ULK4: variants seen among roughly 807,000 people sequenced by gnomAD.
ULK4 encodes the protein unc-51 like kinase 4.
In ULK4, 133 loss-of-function variants were observed where a neutral mutation model predicts 160.6. The observed-to-expected ratio is 0.83, with a 90% confidence interval of 0.72 to 0.96. The LOEUF (loss-of-function observed/expected upper bound fraction) is 0.96, where lower values mean the gene tolerates loss of function less well. ULK4 is among the 40% of genes least tolerant of loss of function. The pLI is 0.00. For missense variants in ULK4, 1,580 were observed against 1,499.5 expected (o/e 1.05, Z -0.89); for synonymous variants, 534 against 539.8 (o/e 0.99, Z 0.15).
chr3:41,849,091 T>C (rs569578617), intron 17 of ULK4, among the ~76,000 whole-genome samples: 1 of 152,240 alleles, frequency 6.6e-6, no homozygotes, highest in East Asian at 1.9e-4. Context: ...AGTGCTGAGG[T>C]TAGCTGCCCA....
At chr3:41,696,122 G>A (rs1298740411) in intron 27 of ULK4, among the ~76,000 whole-genome samples, 1 of 152,132 alleles carries the variant, frequency 6.6e-6, no homozygotes, top group Admixed American at 6.5e-5. Flanking sequence ...CTTTCCCCGG[G>A]GGAGTTTAGA....
At chr3:41,836,829 CAT>C (rs2041772391) in intron 17 of ULK4, among the ~76,000 whole-genome samples, 1 of 152,186 alleles carries the variant, frequency 6.6e-6, no homozygotes. Flanking sequence ...AAGAAAATCA[CAT>C]ACACTCATTG....
At chr3:41,449,013 T>C (rs1432301372) in intron 34 of ULK4, among the ~76,000 whole-genome samples, 1 of 151,920 alleles carries the variant, frequency 6.6e-6, no homozygotes, top group African/African-American at 2.4e-5. Flanking sequence ...TGCCTCCTGG[T>C]TTCAAGCAAT....
chr3:41,432,778 A>C lies in ULK4; in HGVS notation c.3492+22719T>G, dbSNP rs112433883. On this transcript the variant is annotated intron_variant, in intron 34 of 36. Transcript: ENST00000301831. ...CCACTTATTTAATATGTGGCAAAGGATAACTAGAACCAATGGAACAAAATG... is the reference window on the plus strand; with the variant it reads ...CCACTTATTTAATATGTGGCAAAGGCTAACTAGAACCAATGGAACAAAATG... 6.4e-3 allele frequency among the ~76,000 whole-genome samples: 978 copies of C among 152,324 alleles called. 12 individuals are homozygous for C. Among genetic ancestry groups the C allele is most frequent in the African/African-American group, 0.022 (935 of 41,574 alleles).
intron 32 of ULK4, among the ~76,000 whole-genome samples, chr3:41,530,690 C>A (rs1297846534): frequency 2.6e-5 from 4 of 152,206 alleles, no homozygotes; most frequent in African/African-American, 9.6e-5. Flanking sequence ...TGTAATTCAA[C>A]AACAGCTGAC....
chr3:41,826,203 C>T (rs1440587455), intron 18 of ULK4, among the ~76,000 whole-genome samples: 1 of 152,208 alleles, frequency 6.6e-6, no homozygotes, highest in Non-Finnish European at 1.5e-5. Context: ...ACTGCAAAAA[C>T]ATGCCAAATT....
intron 21 of ULK4, among the ~76,000 whole-genome samples, chr3:41,768,822 C>G (rs934585346): frequency 6.6e-6 from 1 of 152,126 alleles, no homozygotes; most frequent in Admixed American, 6.5e-5. Flanking sequence ...AAAAGTTTCA[C>G]ACAGCAATAG....
intron 22 of ULK4, among the ~76,000 whole-genome samples, chr3:41,723,219 A>C (rs543511378): frequency 6.6e-6 from 1 of 152,182 alleles, no homozygotes; most frequent in Non-Finnish European, 1.5e-5. Context: ...TGAAGGGAAA[A>C]GAGGAATTAT....
At chr3:41,946,468 T>C (rs968645285) in intron 2 of ULK4, among the ~76,000 whole-genome samples, 2 of 152,192 alleles carry the variant, frequency 1.3e-5, no homozygotes, top group African/African-American at 4.8e-5. Flanking sequence ...CATGACTGCA[T>C]ACGTTTGTTA....
intron 31 of ULK4, among the ~76,000 whole-genome samples, chr3:41,593,011 T>C (rs1019150785): frequency 1.3e-5 from 2 of 152,212 alleles, no homozygotes; most frequent in East Asian, 1.9e-4. Context: ...TCTGGCTGCA[T>C]AGCTAGGAAT....
chr3:41,508,504 T>A (rs912341812), intron 32 of ULK4, among the ~76,000 whole-genome samples: 6 of 152,038 alleles, frequency 3.9e-5, no homozygotes, highest in African/African-American at 1.4e-4. Flanking sequence ...AAGCGCCACC[T>A]CCTGGCTGGA....
At chr3:41,400,681 A>G (rs2125817424) in intron 34 of ULK4, among the ~76,000 whole-genome samples, 1 of 152,282 alleles carries the variant, frequency 6.6e-6, no homozygotes, top group Middle Eastern at 3.4e-3. Flanking sequence ...CCTCTGGGAT[A>G]AATGCCCAAG....
At chr3:41,511,207 G>A (rs1044206098) in intron 32 of ULK4, among the ~76,000 whole-genome samples, 3 of 149,694 alleles carry the variant, frequency 2.0e-5, no homozygotes, top group Non-Finnish European at 4.4e-5. Context: ...ACAAACAGAC[G>A]CTCTAAGGTC....
intron 22 of ULK4, among the ~76,000 whole-genome samples, chr3:41,721,348 ATATATATATATATATTTTT>A (rs1478925141): frequency 1.9e-4 from 10 of 52,928 alleles, no homozygotes; most frequent in African/African-American, 1.0e-3. Flanking sequence ...ATATATATAT[ATATATATATATATATTTTT>A]TTTTTTTTTT....
intron 30 of ULK4, among the ~76,000 whole-genome samples, chr3:41,647,834 TGTG>T (rs376569027): frequency 0.067 from 10,245 of 152,294 alleles, 458 homozygotes; most frequent in South Asian, 0.15. Context: ...CTCCTTGAGC[TGTG>T]GTGGGCTCCA....
intron 1 of ULK4, among the ~76,000 whole-genome samples, chr3:41,958,629 T>C (rs1700563747): frequency 6.6e-6 from 1 of 151,726 alleles, no homozygotes; most frequent in Non-Finnish European, 1.5e-5. Flanking sequence ...GGCGAATGGC[T>C]TGAACCCAGA....
rs1227553953 is a variant in ULK4, at chr3:41,715,416, T to C, written c.2577+31A>G. ...AGTTTACAAAGAGAAGAGGCAAATTTATATCCTTTTCCTCCTCAATACAAT... is the reference window on the plus strand; with the variant it reads ...AGTTTACAAAGAGAAGAGGCAAATTCATATCCTTTTCCTCCTCAATACAAT... On this transcript the variant is annotated intron_variant, in intron 24 of 36. Transcript: ENST00000301831. 2.5e-6 allele frequency: 4 copies of C among 1,613,886 alleles called. 1 individual carries two copies. In the African/African-American group the frequency reaches 4.0e-5, roughly 16 times the overall value.
chr3:41,833,685 T>G (rs9868670), intron 18 of ULK4, among the ~76,000 whole-genome samples: 3 of 152,074 alleles, frequency 2.0e-5, no homozygotes, highest in African/African-American at 7.3e-5. Context: ...ATAGGAATGC[T>G]TGTGATTTTT....
chr3:41,548,225 C>T lies in ULK4; in HGVS notation c.3226+17800G>A, dbSNP rs528947811. ...GGCCCTGCTTCACCTGGTGTCACCT[C>T]TCTAGGTGTCCACACACATCTCCCA... On this transcript the variant is annotated intron_variant, in intron 32 of 36. Coordinates refer to ENST00000301831, the MANE Select transcript of ULK4 (RefSeq NM_017886.4). Among the ~76,000 whole-genome samples, 3 of 152,282 alleles carry T rather than the reference C, an allele frequency of 2.0e-5. No homozygotes were observed. In the South Asian group the frequency reaches 6.2e-4, roughly 32 times the overall value.
Sources: gnomAD v4.1 joint callset for allele counts (sites outside exome capture counted in the v4.1 genomes callset) on GRCh38, gnomAD v4.1.1 for gene constraint, MANE v1.5 for transcripts, NCBI Gene and HGNC (gene_info 2026-07-23, HGNC 2026-07-21) for gene names.